Variants in FRMD4A observed in about 807,000 individuals in gnomAD.
The protein encoded by FRMD4A is FERM domain-containing protein 4A.
In FRMD4A, 29 loss-of-function variants were observed where a neutral mutation model predicts 129.1. The observed-to-expected ratio is 0.22, with a 90% CI of 0.17 to 0.31. The LOEUF is 0.31. Ranked by LOEUF, FRMD4A falls within the 10% of genes least tolerant of loss-of-function variation. The pLI is 1.00. For synonymous variants in FRMD4A, 634 were observed against 571.6 expected (o/e 1.11, Z -1.56); for missense variants, 1,272 against 1,375.8 (o/e 0.92, Z 1.19).
chr10:13,750,109 G>GAAATAAAAGAAGAAAGAAAGAAAGA (rs59377985), intron 8 of FRMD4A, among the ~76,000 whole-genome samples: 1 of 73,578 alleles, frequency 1.4e-5, no homozygotes, highest in African/African-American at 5.8e-5. Flanking sequence ...AGAAAGAAAT[G>GAAATAAAAGAAGAAAGAAAGAAAGA]AAGAAAGAAA....
chr10:14,043,113 A>G (rs182021422), intron 2 of FRMD4A, among the ~76,000 whole-genome samples: 1 of 151,972 alleles, frequency 6.6e-6, no homozygotes, highest in East Asian at 1.9e-4. Context: ...GAGAGAAAAA[A>G]TTTTTTAAAG....
intron 12 of FRMD4A, among the ~76,000 whole-genome samples, chr10:13,731,354 A>G (rs1416682655): frequency 6.6e-6 from 1 of 152,046 alleles, no homozygotes; most frequent in Non-Finnish European, 1.5e-5. Flanking sequence ...TCCTATAAAA[A>G]ATTCTACATC....
chr10:14,209,828 C>T (rs999438132), intron 2 of FRMD4A, among the ~76,000 whole-genome samples: 3 of 152,086 alleles, frequency 2.0e-5, no homozygotes, highest in Non-Finnish European at 4.4e-5. Flanking sequence ...GTCGTGGCTG[C>T]AGTGAGCTGT....
intron 2 of FRMD4A, among the ~76,000 whole-genome samples, chr10:13,954,400 C>G (rs546076668): frequency 5.9e-5 from 9 of 152,128 alleles, no homozygotes; most frequent in African/African-American, 2.2e-4. Flanking sequence ...GGAACTCACA[C>G]GTTTACAAAA....
At chr10:14,159,698 A>G (rs530715430) in intron 2 of FRMD4A, among the ~76,000 whole-genome samples, 2 of 152,284 alleles carry the variant, frequency 1.3e-5, no homozygotes, top group South Asian at 4.1e-4. Context: ...AACAAAAAAG[A>G]AAAAACAAAA....
At chr10:14,328,733 A>G (rs1843390548) in intron 2 of FRMD4A, among the ~76,000 whole-genome samples, 1 of 151,978 alleles carries the variant, frequency 6.6e-6, no homozygotes, top group Non-Finnish European at 1.5e-5. Context: ...GACCCCATAG[A>G]TAATGCATTT....
chr10:14,289,841 C>T (rs1381688461), intron 2 of FRMD4A, among the ~76,000 whole-genome samples: 1 of 151,894 alleles, frequency 6.6e-6, no homozygotes, highest in Non-Finnish European at 1.5e-5. Context: ...ATGATATGCT[C>T]TTATATACAG....
chr10:14,097,164 A>G (rs1837019594), intron 2 of FRMD4A: 1 of 82,118 alleles, frequency 1.2e-5, no homozygotes, highest in Non-Finnish European at 2.2e-5. Flanking sequence ...AAAAAAAAAA[A>G]AAAGAAAAGA....
intron 2 of FRMD4A, among the ~76,000 whole-genome samples, chr10:14,219,026 T>C (rs943863635): frequency 8.3e-6 from 1 of 120,904 alleles, no homozygotes; most frequent in South Asian, 2.9e-4. Context: ...TTGGTAATCA[T>C]AGTAAGAAGG....
At chr10:14,045,442 C>T (rs528934052) in intron 2 of FRMD4A, among the ~76,000 whole-genome samples, 1 of 152,168 alleles carries the variant, frequency 6.6e-6, no homozygotes, top group Non-Finnish European at 1.5e-5. Context: ...GCTGACATGT[C>T]TATTACGCAC....
intron 2 of FRMD4A, among the ~76,000 whole-genome samples, chr10:14,256,859 T>G (rs1844632066): frequency 6.6e-6 from 1 of 152,018 alleles, no homozygotes; most frequent in African/African-American, 2.4e-5. Context: ...TAAATGTATA[T>G]GTAATAACAT....
At chr10:14,270,737 C>T (rs981277179) in intron 2 of FRMD4A, among the ~76,000 whole-genome samples, 4 of 152,128 alleles carry the variant, frequency 2.6e-5, no homozygotes, top group Non-Finnish European at 5.9e-5. Context: ...TAAAACAGAA[C>T]GATTTTCCTG....
rs1241438259 is a variant in FRMD4A, at chr10:13,717,727, G to T, written c.760-10614C>A. 2.7e-5 allele frequency among the ~76,000 whole-genome samples: 4 copies of T among 148,926 alleles called. No homozygotes were observed. In the East Asian group the frequency reaches 5.9e-4, roughly 22 times the overall value. On this transcript the variant is annotated intron_variant, in intron 12 of 24. Coordinates refer to ENST00000357447, the MANE Select transcript of FRMD4A (RefSeq NM_018027.5). Reference sequence around the variant, plus strand: ...TTTTTTTTTCCAGGGGTGGCGGGGGGGGTTGGCAGTTGGCATTTCTCTTAT... The same window carrying T: ...TTTTTTTTTCCAGGGGTGGCGGGGGTGGTTGGCAGTTGGCATTTCTCTTAT...
chr10:13,907,701 G>C (rs573680864), intron 2 of FRMD4A, among the ~76,000 whole-genome samples: 1 of 152,242 alleles, frequency 6.6e-6, no homozygotes, highest in Admixed American at 6.5e-5. Flanking sequence ...CTCACTTTAG[G>C]TGATGAGCGC....
intron 2 of FRMD4A, among the ~76,000 whole-genome samples, chr10:14,114,156 TG>T (rs1178945763): frequency 6.6e-6 from 1 of 152,280 alleles, no homozygotes; most frequent in Admixed American, 6.5e-5. Flanking sequence ...GCAAAAGTTC[TG>T]GGAAGATGGC....
chr10:13,884,122 T>TCACACACA (rs777007506), intron 2 of FRMD4A, among the ~76,000 whole-genome samples: 1 of 78,164 alleles, frequency 1.3e-5, no homozygotes, highest in Non-Finnish European at 2.7e-5. Flanking sequence ...ACACACACAC[T>TCACACACA]CACACACACG....
Position 14,021,253 on chromosome 10 carries a change from G to A in FRMD4A, c.46-162341C>T, listed in dbSNP as rs192347122. On this transcript the variant is annotated intron_variant, in intron 2 of 24. Transcript: ENST00000357447. ...TAAAAAAAATCTTTATATAAAAGCT[G>A]GGGGGTCCAGACATGGTGGCTCACA... Among the ~76,000 whole-genome samples, 243 of 152,082 alleles carry A rather than the reference G, an allele frequency of 1.6e-3. 2 individuals carry two copies. The highest frequency in any genetic ancestry group is 3.7e-4 in the Non-Finnish European group (25 of 67,996).
chr10:14,008,495 T>C (rs934822943), intron 2 of FRMD4A: 26 of 991,320 alleles, frequency 2.6e-5, no homozygotes, highest in Non-Finnish European at 3.1e-5. Context: ...CTGGGGAGAG[T>C]GATCCAGAAA....
chr10:13,672,202 C>A (rs940247118), intron 16 of FRMD4A, among the ~76,000 whole-genome samples: 1 of 152,148 alleles, frequency 6.6e-6, no homozygotes, highest in Non-Finnish European at 1.5e-5. Context: ...GAAATGACCC[C>A]GTGGACTTTA....
Sources: allele counts gnomAD v4.1 joint callset (sites outside exome capture counted in the v4.1 genomes callset), GRCh38; gene constraint gnomAD v4.1.1; transcripts MANE v1.5; gene names NCBI Gene and HGNC (gene_info 2026-07-23, HGNC 2026-07-21).